USH2A: variants seen among roughly 807,000 people sequenced by gnomAD.
USH2A encodes the protein usherin, also known as Usher syndrome 2A (autosomal recessive, mild).
A neutral mutation model predicts 538.9 loss-of-function variants in USH2A; 443 were observed. That is an observed-to-expected ratio of 0.82 (90% CI 0.76 to 0.89). USH2A has a LOEUF of 0.89. Ranked by LOEUF, USH2A falls within the 40% of genes least tolerant of loss-of-function variation. The probability of loss-of-function intolerance (pLI) is 0.00; values close to 1 mark genes in which losing one functional copy is unlikely to be tolerated. For synonymous variants in USH2A, 2,413 were observed against 2,273.5 expected, an observed-to-expected ratio of 1.06 and a Z score of -1.75; for missense variants, 6,633 against 6,324.8, an observed-to-expected ratio of 1.05 and a Z score of -1.65.
rs150370309 is a variant in USH2A, at chr1:215,677,243, C to G, written c.12295-1627G>C. Among the ~76,000 whole-genome samples the G allele has an allele frequency of 1.3e-3, 200 of 152,270 alleles. 2 individuals carry two copies. Among genetic ancestry groups the G allele is most frequent in the Non-Finnish European group, 1.6e-4 (11 of 68,022 alleles). On this transcript the variant is annotated intron_variant, in intron 62 of 71. Transcript: ENST00000307340. ...CTGTACCTACTGAAGGCCACCTAAG[C>G]GCTGTATCCCATCCCTTCCTCCTTC... is the stretch of plus-strand genomic sequence containing the variant.
At chr1:215,942,940 G>C (rs1666672129) in intron 37 of USH2A, among the ~76,000 whole-genome samples, 2 of 152,182 alleles carry the variant, frequency 1.3e-5, no homozygotes, top group East Asian at 3.9e-4. Flanking sequence ...TGCAGCAAGT[G>C]CTGCCACAAA....
At chr1:215,723,953 A>G (rs1659734597) in intron 61 of USH2A, among the ~76,000 whole-genome samples, 1 of 152,164 alleles carries the variant, frequency 6.6e-6, no homozygotes, top group African/African-American at 2.4e-5. Context: ...AAGGAAAATA[A>G]ATCATTATAT....
Position 215,674,716 on chromosome 1 carries a change from G to C in USH2A, c.13195C>G (p.Leu4399Val). 6.2e-7 allele frequency: 1 copy of C among 1,614,132 alleles called. No homozygotes were observed. Among genetic ancestry groups the C allele is most frequent in the Non-Finnish European group, 8.5e-7 (1 of 1,180,018 alleles). Residue 4399 changes from leucine (L) to valine (V), a missense_variant, in exon 63 of 72, where the codon CTT (leucine) becomes GTT (valine). Transcript: ENST00000307340. The stretch of plus-strand genomic sequence containing the variant: ...AGCAGGCACAGGCCCTGGCCAGCAA[G>C]GGACTCTTTATTATCATATCTAACT... ...YLVRYDNKES[L>V]AGQGLCLLVS...
chr1:215,702,358 G>T (rs150215053), intron 61 of USH2A, among the ~76,000 whole-genome samples: 9,855 of 152,168 alleles, frequency 0.065, 438 homozygotes, highest in Non-Finnish European at 0.092. Flanking sequence ...GACTTTGAAT[G>T]TTGGCCTGTC....
At chr1:215,842,571 A>G (rs1174622934) in intron 46 of USH2A, among the ~76,000 whole-genome samples, 13 of 152,206 alleles carry the variant, frequency 8.5e-5, no homozygotes, top group Admixed American at 8.5e-4. Context: ...ACGTCCATCA[A>G]TTATAGACTG....
intron 38 of USH2A, among the ~76,000 whole-genome samples, chr1:215,918,143 G>A (rs777441352): frequency 1.3e-5 from 2 of 152,020 alleles, no homozygotes; most frequent in Non-Finnish European, 2.9e-5. Flanking sequence ...AAGAATCAGA[G>A]CAGATTGGTT....
intron 38 of USH2A, among the ~76,000 whole-genome samples, chr1:215,917,969 A>G (rs1249143962): frequency 6.6e-6 from 1 of 151,872 alleles, no homozygotes; most frequent in Admixed American, 6.6e-5. Context: ...TCTCAAAAAC[A>G]AAACAAAAAA....
At chr1:215,703,434 C>T (rs1488838399) in intron 61 of USH2A, among the ~76,000 whole-genome samples, 1 of 152,188 alleles carries the variant, frequency 6.6e-6, no homozygotes, top group Non-Finnish European at 1.5e-5. Context: ...CCCTCAGGTG[C>T]TCTGTCCCAG....
intron 49 of USH2A, among the ~76,000 whole-genome samples, chr1:215,803,223 A>G (rs1400834642): frequency 6.6e-6 from 1 of 152,212 alleles, no homozygotes; most frequent in African/African-American, 2.4e-5. Context: ...AAACGGGCAC[A>G]AGACAGGGAT....
At chr1:216,110,461 T>C (rs2032839445) in intron 21 of USH2A, among the ~76,000 whole-genome samples, 1 of 151,986 alleles carries the variant, frequency 6.6e-6, no homozygotes, top group South Asian at 2.1e-4. Flanking sequence ...CTAGAGAAAA[T>C]AAACAGTAGA....
chr1:215,796,516 C>G (rs1400844918), intron 50 of USH2A, among the ~76,000 whole-genome samples: 1 of 151,872 alleles, frequency 6.6e-6, no homozygotes, highest in African/African-American at 2.4e-5. Context: ...GAACCTTGCC[C>G]ATATAAGACG....
At chr1:215,781,957 A>G in intron 54 of USH2A, 85 bp downstream of exon 54, 1 of 1,581,972 alleles carries the variant, frequency 6.3e-7, no homozygotes, top group South Asian at 1.1e-5. Flanking sequence ...TGTTTTCTTC[A>G]ATGAAAAAAG....
chr1:216,216,049 T>A (rs619629), intron 15 of USH2A, among the ~76,000 whole-genome samples: 1 of 152,066 alleles, frequency 6.6e-6, no homozygotes, highest in Non-Finnish European at 1.5e-5. Context: ...GATTAGGTAT[T>A]GTAATTCCAT....
At chr1:216,250,349 G>T (rs2036133676) in intron 12 of USH2A, among the ~76,000 whole-genome samples, 1 of 152,092 alleles carries the variant, frequency 6.6e-6, no homozygotes, top group Non-Finnish European at 1.5e-5. Flanking sequence ...TTAAAATTAT[G>T]TAGCCCTTTG....
chr1:215,761,960 G>A (rs75107032), intron 56 of USH2A, among the ~76,000 whole-genome samples: 10,702 of 152,172 alleles, frequency 0.07, 743 homozygotes, highest in East Asian at 0.36. Flanking sequence ...TTAAGATTTT[G>A]ACACTTTTAG....
At chr1:215,791,370 A>G (rs1383325804) in intron 50 of USH2A, among the ~76,000 whole-genome samples, 2 of 152,196 alleles carry the variant, frequency 1.3e-5, no homozygotes, top group African/African-American at 4.8e-5. Context: ...GAATTGTTTA[A>G]TCTGGTCCTG....
At chr1:215,860,311 T>C (rs894558635) in intron 44 of USH2A, among the ~76,000 whole-genome samples, 1 of 152,176 alleles carries the variant, frequency 6.6e-6, no homozygotes, top group Non-Finnish European at 1.5e-5. Context: ...ACATCTACAT[T>C]AGAGGTCAGC....
chr1:216,362,633 T>C (rs1473343912), intron 4 of USH2A, among the ~76,000 whole-genome samples: 1 of 152,124 alleles, frequency 6.6e-6, no homozygotes, highest in Non-Finnish European at 1.5e-5. Flanking sequence ...GAAATAATTA[T>C]AATAACATTA....
At chr1:215,838,203 G>T in intron 46 of USH2A, 100 bp from the exon 47 acceptor site, 1 of 954,498 alleles carries the variant, frequency 1.0e-6, no homozygotes, top group Non-Finnish European at 1.7e-6. Flanking sequence ...TGAATCTCTT[G>T]TATTTCTCTA....
Sources: gnomAD v4.1 joint callset for allele counts (sites outside exome capture counted in the v4.1 genomes callset) on GRCh38, gnomAD v4.1.1 for gene constraint, MANE v1.5 for transcripts, NCBI Gene and HGNC (gene_info 2026-07-23, HGNC 2026-07-21) for gene names.